Variants in CCDC33 observed in about 807,000 individuals in gnomAD.
CCDC33 encodes coiled-coil domain containing 33, also known as coiled-coil domain-containing protein 33.
A neutral mutation model predicts 91.9 loss-of-function variants in CCDC33; 94 were observed. The observed-to-expected ratio is 1.02, with a 90% CI of 0.87 to 1.21. The LOEUF is 1.21. Among genes scored for constraint, CCDC33 ranks in the 50% most tolerant of loss-of-function variants. The pLI is 0.00. For missense variants in CCDC33, 940 were observed against 935.5 expected (o/e 1.00, Z -0.06); for synonymous variants, 396 against 374.5 (o/e 1.06, Z -0.66).
intron 11 of CCDC33, among the ~76,000 whole-genome samples, chr15:74,324,263 T>C (rs1937967169): frequency 6.6e-6 from 1 of 152,130 alleles, no homozygotes; most frequent in South Asian, 2.1e-4. Flanking sequence ...GCTCTTTTGC[T>C]CACCTTGATG....
rs528194367 is a variant in CCDC33 at position 74,335,668 on chromosome 15, C to T, written c.2140-257C>T. ...CCCGTGGCCAGAAGCTCAGCAGCGG[C>T]TCCTGGGAAAGGCCTGGAAAGGATG... On this transcript the variant is annotated intron_variant, in intron 18 of 18. Coordinates refer to ENST00000398814, the MANE Select transcript of CCDC33 (RefSeq NM_025055.5). The T allele has an allele frequency of 7.1e-6, 3 of 424,582 alleles. No individual in the cohort carries two copies. In the South Asian group the frequency reaches 1.1e-4, roughly 16 times the overall value. 26.3% of individuals were successfully genotyped at this position (424,582 alleles called of 1,614,324 possible).
intron 1 of CCDC33, chr15:74,203,224 A>C: frequency 1.0e-6 from 1 of 985,174 alleles, no homozygotes; most frequent in Non-Finnish European, 1.2e-6. Context: ...TTGTTCCTAC[A>C]AGTTGATTTC....
intron 11 of CCDC33, among the ~76,000 whole-genome samples, chr15:74,313,395 ATTTC>A (rs1263093742): frequency 7.2e-5 from 10 of 138,512 alleles, no homozygotes; most frequent in African/African-American, 2.6e-4. Flanking sequence ...CCCAGCACAG[ATTTC>A]TTTCTTTCTT....
chr15:74,332,024 C>T (rs931384330), intron 15 of CCDC33, among the ~76,000 whole-genome samples: 6 of 152,120 alleles, frequency 3.9e-5, no homozygotes, highest in African/African-American at 7.2e-5. Flanking sequence ...AGGGAGACTC[C>T]GCCTCAAAAT....
At chr15:74,247,914 TA>T (rs2075588616) in intron 2 of CCDC33, among the ~76,000 whole-genome samples, 3 of 152,018 alleles carry the variant, frequency 2.0e-5, no homozygotes, top group African/African-American at 7.2e-5. Flanking sequence ...CCATCTCTAT[TA>T]AAAATACAAA....
In CCDC33 at chr15:74,218,961, A is replaced by C. The variant is rs2074518741; in HGVS notation, c.675+100A>C. On this transcript the variant is annotated intron_variant, in intron 2 of 2. Coordinates refer to the CCDC33 transcript ENST00000635913. This position sits in a 1 kb window ranked among gnomAD's most constrained non-coding sequence, Gnocchi z 4.8. ...CTACCCCCTGTCCTGAGCTGAGCTGAGCAGAGCAGCAGAGCTCCCAAGGCT... is the reference window on the plus strand; with the variant it reads ...CTACCCCCTGTCCTGAGCTGAGCTGCGCAGAGCAGCAGAGCTCCCAAGGCT... 1 of 1,104,420 alleles carries C rather than the reference A, an allele frequency of 9.1e-7. No homozygotes were observed. Among genetic ancestry groups the C allele is most frequent in the African/African-American group, 1.6e-5 (1 of 60,616 alleles). 68.4% of individuals were successfully genotyped at this position (1,104,420 alleles called of 1,614,324 possible). A position where few individuals can be genotyped will look rare whatever the true frequency, so the allele number is the denominator to read the frequency against.
At chr15:74,253,350 T>A (rs1354602276) in intron 2 of CCDC33, among the ~76,000 whole-genome samples, 1 of 152,216 alleles carries the variant, frequency 6.6e-6, no homozygotes, top group African/African-American at 2.4e-5. Context: ...GGTCCCAGGG[T>A]CACATGCCAC....
chr15:74,249,837 G>T (rs1328691457), intron 2 of CCDC33, among the ~76,000 whole-genome samples: 2 of 152,096 alleles, frequency 1.3e-5, no homozygotes, highest in Admixed American at 1.3e-4. Context: ...GGGTGAATTT[G>T]TTTATTACAC....
chr15:74,217,260 C>A lies in CCDC33; in HGVS notation c.-12C>A, dbSNP rs543316643. The A allele has an allele frequency of 7.2e-6, 9 of 1,253,012 alleles. No individual in the cohort carries two copies. The South Asian group carries it at 1.1e-4, about 15-fold the overall frequency. The allele number at this position is 1,253,012 out of a possible 1,614,324, so 77.6% of individuals were successfully genotyped here. A position where few individuals can be genotyped will look rare whatever the true frequency, so the allele number is the denominator to read the frequency against. ...TGCAGTGCTCAGCCTGGCAGTTGGT[C>A]TCTCAGTGGCCATGGCATTCAGGGG... On this transcript the variant is annotated 5_prime_UTR_variant, in exon 1 of 3. Transcript: ENST00000635913.
intron 11 of CCDC33, among the ~76,000 whole-genome samples, chr15:74,317,771 G>A (rs573748041): frequency 6.6e-6 from 1 of 152,214 alleles, no homozygotes; most frequent in East Asian, 1.9e-4. Flanking sequence ...AGGCAGGCAG[G>A]CCCCTCCATG....
chr15:74,208,896 G>A (rs1226299984), intron 1 of CCDC33: 4 of 989,542 alleles, frequency 4.0e-6, no homozygotes, highest in Non-Finnish European at 4.8e-6. Context: ...CAAGCAGGGT[G>A]CTCCCAACAC....
At chr15:74,323,919 G>A (rs528923492) in intron 11 of CCDC33, among the ~76,000 whole-genome samples, 8 of 151,902 alleles carry the variant, frequency 5.3e-5, no homozygotes, top group African/African-American at 9.6e-5. Context: ...GTGAAACCCC[G>A]TCTCTACTAA....
chr15:74,223,508 G>A (rs746571717), intron 2 of CCDC33, among the ~76,000 whole-genome samples: 1 of 151,924 alleles, frequency 6.6e-6, no homozygotes, highest in Admixed American at 6.6e-5. Context: ...CACTCCAATT[G>A]TTCCCTCAAT....
intron 17 of CCDC33, among the ~76,000 whole-genome samples, chr15:74,334,521 G>A (rs185583494): frequency 2.2e-5 from 3 of 138,930 alleles, no homozygotes; most frequent in Admixed American, 6.9e-5. Flanking sequence ...TCAGTGTGCA[G>A]CCAGGGTTAG....
At chr15:74,281,711 A>G (rs2059367630) in intron 9 of CCDC33, 67 bp from the exon 10 acceptor site, 6 of 1,366,816 alleles carry the variant, frequency 4.4e-6, no homozygotes, top group Non-Finnish European at 6.3e-6. Flanking sequence ...AATCTAGAAC[A>G]GTAGGTGGGG....
intron 1 of CCDC33, chr15:74,243,641 G>A (rs373400480): frequency 1.3e-5 from 6 of 459,584 alleles, no homozygotes; most frequent in African/African-American, 9.9e-5. Context: ...GGGTGGCAGT[G>A]AAGGGAGGTG....
chr15:74,298,902 G>A (rs540195054), intron 11 of CCDC33, among the ~76,000 whole-genome samples: 8 of 151,980 alleles, frequency 5.3e-5, no homozygotes, highest in Non-Finnish European at 1.0e-4. Context: ...TAGTAGAGAC[G>A]GGCTTTCACT....
chr15:74,216,374 T>A (rs545565015), upstream of CCDC33, among the ~76,000 whole-genome samples: 2 of 151,128 alleles, frequency 1.3e-5, no homozygotes, highest in South Asian at 4.2e-4. Context: ...ATGGGCACAC[T>A]GACACCCAAA....
chr15:74,269,783 C>T (rs535129556), intron 5 of CCDC33, among the ~76,000 whole-genome samples: 47 of 152,198 alleles, frequency 3.1e-4, no homozygotes, highest in Admixed American at 1.9e-3. Flanking sequence ...TCCATCCGTG[C>T]GACAGGTATG....
Sources: gnomAD v4.1 joint callset for allele counts (sites outside exome capture counted in the v4.1 genomes callset) on GRCh38, gnomAD v4.1.1 for gene constraint, Gnocchi (gnomAD v3.1) non-coding constraint, MANE v1.5 for transcripts, NCBI Gene and HGNC (gene_info 2026-07-23, HGNC 2026-07-21) for gene names.